TUBD1: variants seen among roughly 807,000 people sequenced by gnomAD.
TUBD1 encodes the protein tubulin delta 1.
Under a neutral mutation model 51.2 loss-of-function variants are expected in TUBD1, and 38 were observed. That is an observed-to-expected ratio of 0.74 (90% CI 0.57 to 0.97). The LOEUF is 0.97. TUBD1 is among the 50% of genes least tolerant of loss of function. The pLI is 0.00. For synonymous variants in TUBD1, 169 were observed against 178.2 expected, an observed-to-expected ratio of 0.95 and a Z score of 0.41; for missense variants, 489 against 538.4, an observed-to-expected ratio of 0.91 and a Z score of 0.91.
At chr17:59,871,754 A>C (rs1463541894) in intron 6 of TUBD1, among the ~76,000 whole-genome samples, 1 of 152,144 alleles carries the variant, frequency 6.6e-6, no homozygotes, top group Non-Finnish European at 1.5e-5. Flanking sequence ...AGATAATGGA[A>C]GTAATCACTT....
At chr17:59,868,010 C>T (rs544141583) in intron 6 of TUBD1, among the ~76,000 whole-genome samples, 1 of 150,384 alleles carries the variant, frequency 6.6e-6, no homozygotes, top group Non-Finnish European at 1.5e-5. Flanking sequence ...TGCCTGTAAT[C>T]CTAGCACTTT....
At chr17:59,878,608 C>A in intron 4 of TUBD1, 1 of 315,570 alleles carries the variant, frequency 3.2e-6, no homozygotes, top group Non-Finnish European at 6.0e-6. Flanking sequence ...CAGCCCCGAG[C>A]AGCTGGAATT....
chr17:59,862,311 G>A (rs1236850368), intron 8 of TUBD1, among the ~76,000 whole-genome samples: 17 of 139,242 alleles, frequency 1.2e-4, no homozygotes, highest in Admixed American at 2.1e-4. Context: ...CAACAACTGC[G>A]AAACTCCATC....
chr17:59,877,717 G>T (rs1245706340), intron 5 of TUBD1, among the ~76,000 whole-genome samples: 1 of 151,274 alleles, frequency 6.6e-6, no homozygotes, highest in Non-Finnish European at 1.5e-5. Context: ...GGCAGAGGTT[G>T]CAGTGAGTCA....
intron 5 of TUBD1, 110 bp downstream of exon 5, chr17:59,877,993 T>A: frequency 1.2e-6 from 1 of 824,052 alleles, no homozygotes. Context: ...GGTTTTGAGA[T>A]GAGCAAGACT....
chr17:59,863,156 A>T (rs2039538804), intron 8 of TUBD1, among the ~76,000 whole-genome samples: 1 of 152,174 alleles, frequency 6.6e-6, no homozygotes, highest in Admixed American at 6.6e-5. Context: ...ATCTTATCTA[A>T]TCCTCGTGAG....
intron 6 of TUBD1, among the ~76,000 whole-genome samples, chr17:59,872,313 T>G (rs2040018190): frequency 6.6e-6 from 1 of 151,964 alleles, no homozygotes; most frequent in Admixed American, 6.6e-5. Flanking sequence ...CAAGCTAGTT[T>G]TGAACTTCTG....
chr17:59,889,682 A>G (rs572564367), intron 2 of TUBD1, among the ~76,000 whole-genome samples: 26 of 150,336 alleles, frequency 1.7e-4, no homozygotes, highest in African/African-American at 4.9e-4. Flanking sequence ...AAAAAAAAAA[A>G]AAAAAGAAAA....
intron 6 of TUBD1, among the ~76,000 whole-genome samples, chr17:59,870,246 G>A (rs900376754): frequency 6.6e-6 from 1 of 151,494 alleles, no homozygotes; most frequent in African/African-American, 2.4e-5. Context: ...TCATACATTG[G>A]TAATCCCAGC....
intron 6 of TUBD1, among the ~76,000 whole-genome samples, chr17:59,868,608 G>C (rs376083335): frequency 1.5e-4 from 22 of 150,604 alleles, no homozygotes; most frequent in South Asian, 8.4e-4. Flanking sequence ...GCGAGGCAGA[G>C]GGGGGGGATC....
At chr17:59,887,267 G>A (rs1385807655) in intron 2 of TUBD1, among the ~76,000 whole-genome samples, 1 of 151,882 alleles carries the variant, frequency 6.6e-6, no homozygotes, top group African/African-American at 2.4e-5. Flanking sequence ...AGCTACTCAG[G>A]AGGCTGAGGC....
chr17:59,869,444 C>T (rs1487586230), intron 6 of TUBD1, among the ~76,000 whole-genome samples: 2 of 150,752 alleles, frequency 1.3e-5, no homozygotes, highest in African/African-American at 2.4e-5. Context: ...CACTGCACTC[C>T]AGCCTGGGTG....
intron 7 of TUBD1, among the ~76,000 whole-genome samples, chr17:59,865,660 G>T (rs1048011962): frequency 2.6e-5 from 4 of 152,190 alleles, no homozygotes; most frequent in Non-Finnish European, 5.9e-5. Flanking sequence ...ACCACTGGTT[G>T]TCCAGCAATT....
intron 2 of TUBD1, among the ~76,000 whole-genome samples, chr17:59,887,411 A>T (rs977548379): frequency 3.9e-5 from 6 of 151,966 alleles, no homozygotes; most frequent in African/African-American, 1.4e-4. Context: ...ATACATCAAT[A>T]CTTAATCACA....
intron 6 of TUBD1, among the ~76,000 whole-genome samples, chr17:59,872,246 C>T (rs1458757681): frequency 2.0e-5 from 3 of 152,048 alleles, no homozygotes; most frequent in African/African-American, 4.8e-5. Flanking sequence ...GCCACCCTGC[C>T]GGGCCAGCTA....
Position 59,878,162 on chromosome 17 carries a change from C to A in TUBD1, c.710G>T (p.Ser237Ile), listed in dbSNP as rs1231485948. 2 of 1,614,066 alleles carry A rather than the reference C, an allele frequency of 1.2e-6. No individual in the cohort carries two copies. The highest frequency in any genetic ancestry group is 2.2e-5 in the East Asian group (1 of 44,890). The change falls in exon 5 of 9, where the codon AGT becomes ATT. Residue 237 changes from serine to isoleucine, a missense_variant. Transcript: ENST00000325752. Reference sequence around the variant, plus strand: ...TGCAGAATAAGTAGGCTGGAACACACTTCCCAGCTGATGTGCGAGGACTTG... The same window carrying A: ...TGCAGAATAAGTAGGCTGGAACACAATTCCCAGCTGATGTGCGAGGACTTG... ...INQVLAHQLG[S>I]VFQPTYSAES...
chr17:59,867,121 T>A (rs2039742404), intron 6 of TUBD1, among the ~76,000 whole-genome samples: 2 of 151,752 alleles, frequency 1.3e-5, no homozygotes, highest in African/African-American at 4.8e-5. Context: ...TATAAATGGC[T>A]TTGAACAAGA....
intron 2 of TUBD1, chr17:59,886,562 G>A (rs1292051): frequency 0.54 from 91,818 of 169,168 alleles, 28,624 homozygotes; most frequent in African/African-American, 0.88. Flanking sequence ...CCTGGAAGGC[G>A]GAGGTTGCAC....
intron 6 of TUBD1, among the ~76,000 whole-genome samples, chr17:59,867,542 TA>T (rs34674048): frequency 0.56 from 85,310 of 151,632 alleles, 26,100 homozygotes; most frequent in African/African-American, 0.82. Flanking sequence ...CTCTGCTTCT[TA>T]AAAAAATTAG....
Sources: allele counts gnomAD v4.1 joint callset (sites outside exome capture counted in the v4.1 genomes callset), GRCh38; gene constraint gnomAD v4.1.1; transcripts MANE v1.5; gene names NCBI Gene and HGNC (gene_info 2026-07-23, HGNC 2026-07-21).